The following ABI3BP variants were observed in gnomAD, a reference collection of about 807,000 sequenced individuals.
ABI3BP encodes ABI family member 3 binding protein, also known as target of Nesh-SH3.
A neutral mutation model predicts 268.6 loss-of-function variants in ABI3BP; 216 were observed. That is an observed-to-expected ratio of 0.80 (90% CI 0.72 to 0.90). The LOEUF is 0.90. ABI3BP is among the 40% of genes least tolerant of loss of function. The pLI is 0.00. For synonymous variants in ABI3BP, 730 were observed against 730.0 expected (o/e 1.00, Z 0.00); for missense variants, 2,090 against 2,182.4 (o/e 0.96, Z 0.84).
intron 4 of ABI3BP, among the ~76,000 whole-genome samples, chr3:100,895,141 G>C (rs2576385): frequency 0.38 from 57,632 of 151,220 alleles, 12,177 homozygotes; most frequent in Non-Finnish European, 0.49. Flanking sequence ...AATAAATTTG[G>C]GTTAAAAACA....
intron 1 of ABI3BP, among the ~76,000 whole-genome samples, chr3:100,987,857 T>G (rs558440600): frequency 1.1e-4 from 17 of 152,338 alleles, no homozygotes; most frequent in Non-Finnish European, 2.5e-4. Context: ...TAGTATACTT[T>G]TAAGAATTAT....
At chr3:100,929,825 TACTC>T (rs1193134135) in intron 1 of ABI3BP, among the ~76,000 whole-genome samples, 1 of 152,032 alleles carries the variant, frequency 6.6e-6, no homozygotes, top group Admixed American at 6.6e-5. Flanking sequence ...TGCCTTGACT[TACTC>T]AGTTATTACC....
intron 1 of ABI3BP, among the ~76,000 whole-genome samples, chr3:100,988,301 C>T (rs1482778515): frequency 6.6e-6 from 1 of 152,176 alleles, no homozygotes; most frequent in East Asian, 1.9e-4. Context: ...GTGTAAGAGC[C>T]TTCCTCTCCA....
chr3:100,780,964 A>G (rs959809935), intron 57 of ABI3BP, among the ~76,000 whole-genome samples: 6 of 152,196 alleles, frequency 3.9e-5, no homozygotes, highest in African/African-American at 1.4e-4. Flanking sequence ...ATTATAAAAT[A>G]ATCTTCCTTG....
chr3:100,778,702 C>A, intron 58 of ABI3BP: 4 of 246,802 alleles, frequency 1.6e-5, no homozygotes, highest in Non-Finnish European at 1.5e-5. Flanking sequence ...TTTTAAAAAC[C>A]ACAATAAAAA....
chr3:100,940,940 G>T (rs2068889275), intron 1 of ABI3BP, among the ~76,000 whole-genome samples: 1 of 145,794 alleles, frequency 6.9e-6, no homozygotes, highest in Admixed American at 6.9e-5. Context: ...ATCCCTATTT[G>T]TGTTCTATAA....
In ABI3BP at chr3:100,849,909, T is replaced by A. The variant is rs1017102210; in HGVS notation, c.1501+136A>T. 5.8e-6 allele frequency: 4 copies of A among 694,466 alleles called. No homozygotes were observed. In the African/African-American group the frequency reaches 7.2e-5, roughly 12 times the overall value. The allele number at this position is 694,466 out of a possible 1,614,324, so 43.0% of individuals were successfully genotyped here. A position where few individuals can be genotyped will look rare whatever the true frequency, so the allele number is the denominator to read the frequency against. ...CTAAGTAGTCAGATTCTTGGAAGAA[T>A]TTCATGGTAGAGACTGAAGGGAAAT... On this transcript the variant is annotated intron_variant, in intron 17 of 67. Transcript: ENST00000471714.
intron 52 of ABI3BP, among the ~76,000 whole-genome samples, chr3:100,796,189 C>T (rs559625899): frequency 3.0e-4 from 46 of 151,984 alleles, no homozygotes; most frequent in Non-Finnish European, 6.3e-4. Flanking sequence ...ATAATTTTAG[C>T]GTGATCTACT....
At position 100,821,113 on chromosome 3, in the gene ABI3BP, A is replaced by G. The variant is rs942449311; in HGVS notation, c.2888T>C (p.Val963Ala). The change falls in exon 39 of 68, where the codon GTT becomes GCT. Residue 963 changes from valine to alanine, a missense_variant and splice_region_variant. Val to Ala is a moderately conservative substitution (Grantham distance 64). Coordinates refer to ENST00000471714, the MANE Select transcript of ABI3BP (RefSeq NM_001375547.2). The stretch of plus-strand genomic sequence containing the variant: ...AACAGGTTTGAGCTCCGCAGTAGGA[A>G]CTGATCAAAAGCATTAAAATTAACC... ...PRPEAPESKP[V>A]PTAELKPVTL... The G allele has an allele frequency of 1.3e-6, 2 of 1,535,562 alleles. No homozygotes were observed. Among genetic ancestry groups the G allele is most frequent in the Non-Finnish European group, 1.7e-6 (2 of 1,146,424 alleles).
chr3:100,930,729 G>A (rs1294089420), intron 1 of ABI3BP: 1 of 151,960 alleles, frequency 6.6e-6, no homozygotes, highest in East Asian at 1.9e-4. Context: ...AAAAGGCCCT[G>A]AGCCAGAGAG....
chr3:100,862,359 G>C lies in ABI3BP; in HGVS notation c.1237C>G (p.Pro413Ala). ...LASSEKPWIV[P>A]TAKISEDSKV... Reference sequence around the variant, plus strand: ...GAATCTTCAGATATTTTAGCTGTAGGCACAATCCATGGCTTTTCACTTGAA... The same window carrying C: ...GAATCTTCAGATATTTTAGCTGTAGCCACAATCCATGGCTTTTCACTTGAA... The change falls in exon 14 of 68, where the codon CCT becomes GCT. Residue 413 changes from proline to alanine, a missense_variant. Physicochemically the swap from Pro to Ala is conservative, Grantham distance 27. Coordinates refer to ENST00000471714, the MANE Select transcript of ABI3BP (RefSeq NM_001375547.2). 1 of 1,603,088 alleles carries C rather than the reference G, an allele frequency of 6.2e-7. No homozygotes were observed. The highest frequency in any genetic ancestry group is 8.5e-7 in the Non-Finnish European group (1 of 1,175,236).
At chr3:100,840,881 C>A in intron 21 of ABI3BP, 23 bp from the exon 22 acceptor site, 1 of 1,524,620 alleles carries the variant, frequency 6.6e-7, no homozygotes. Context: ...GAAAAAATCA[C>A]CAAGAAAGAA....
At chr3:100,877,965 T>G (rs1191414207) in intron 6 of ABI3BP, among the ~76,000 whole-genome samples, 1 of 152,166 alleles carries the variant, frequency 6.6e-6, no homozygotes, top group Admixed American at 6.5e-5. Flanking sequence ...GCTATTTTCC[T>G]TATCATATTA....
intron 48 of ABI3BP, 43 bp from the exon 49 acceptor site, chr3:100,810,520 GACAGACCTTGAGT>G: frequency 7.3e-7 from 1 of 1,372,256 alleles, no homozygotes; most frequent in African/African-American, 1.4e-5. Flanking sequence ...TATAGCACTT[GACAGACCTTGAGT>G]ACAGATAACA....
chr3:100,986,025 T>C (rs950439902), intron 1 of ABI3BP, among the ~76,000 whole-genome samples: 4 of 152,212 alleles, frequency 2.6e-5, no homozygotes, highest in African/African-American at 9.6e-5. Flanking sequence ...TTCTAACCAG[T>C]AGAATATGGC....
At chr3:100,841,883 G>GA (rs1341852263) in intron 21 of ABI3BP, 115 bp downstream of exon 21, 16 of 896,088 alleles carry the variant, frequency 1.8e-5, no homozygotes, top group Admixed American at 2.9e-5. Flanking sequence ...AAACGAGAGT[G>GA]AAACTTCATC....
At chr3:100,989,152 C>T (rs1255367606) in intron 1 of ABI3BP, among the ~76,000 whole-genome samples, 3 of 152,116 alleles carry the variant, frequency 2.0e-5, no homozygotes, top group African/African-American at 7.2e-5. Context: ...TTCTGCCTTC[C>T]ACCATGTGAG....
chr3:100,970,445 G>A (rs2083099754), intron 1 of ABI3BP, among the ~76,000 whole-genome samples: 1 of 152,236 alleles, frequency 6.6e-6, no homozygotes, highest in African/African-American at 2.4e-5. Flanking sequence ...CAGGTATCCA[G>A]TTGCAGAATA....
At chr3:100,968,530 A>G (rs577561653) in intron 1 of ABI3BP, among the ~76,000 whole-genome samples, 2 of 152,208 alleles carry the variant, frequency 1.3e-5, no homozygotes, top group Non-Finnish European at 2.9e-5. Context: ...AAAGGTAATC[A>G]TTTAATCCAT....
Sources: allele counts gnomAD v4.1 joint callset (sites outside exome capture counted in the v4.1 genomes callset), GRCh38; gene constraint gnomAD v4.1.1; transcripts MANE v1.5; gene names NCBI Gene and HGNC (gene_info 2026-07-23, HGNC 2026-07-21).